BFSP2: variants seen among roughly 807,000 people sequenced by gnomAD.
The protein encoded by BFSP2 is beaded filament structural protein 2.
In BFSP2, 38 loss-of-function variants were observed where a neutral mutation model predicts 44.9. The observed-to-expected ratio is 0.85, with a 90% CI of 0.65 to 1.11. The LOEUF (loss-of-function observed/expected upper bound fraction) is 1.11, where lower values mean the gene tolerates loss of function less well. BFSP2 is among the 50% of genes least tolerant of loss of function. The pLI, the probability that BFSP2 is intolerant of heterozygous loss-of-function variation, is 0.00. For missense variants in BFSP2, 525 were observed against 533.0 expected (o/e 0.99, Z 0.15); for synonymous variants, 197 against 209.9 (o/e 0.94, Z 0.53).
In BFSP2 at chr3:133,400,200, C is replaced by T; in HGVS notation, c.117C>T (p.Pro39=). 1 of 1,614,084 alleles carries T rather than the reference C, an allele frequency of 6.2e-7. No individual in the cohort carries two copies. Among genetic ancestry groups the T allele is most frequent in the Non-Finnish European group, 8.5e-7 (1 of 1,180,020 alleles). The change falls in exon 1 of 7, where the codon CCC becomes CCT. Residue 39 remains proline, a synonymous_variant. Coordinates refer to ENST00000302334, the MANE Select transcript of BFSP2 (RefSeq NM_003571.4). This position sits in a 1 kb window ranked among gnomAD's most constrained non-coding sequence, Gnocchi z 4.0. ...GPRSSSSLES[P]PASRTNAMSG... ...GGTCATCATCCTCCCTGGAGAGCCC[C>T]CCAGCCTCCAGGACCAATGCCATGA... is the stretch of plus-strand genomic sequence containing the variant.
chr3:133,418,617 A>C (rs944385518), intron 1 of BFSP2, among the ~76,000 whole-genome samples: 11 of 152,132 alleles, frequency 7.2e-5, no homozygotes, highest in African/African-American at 2.4e-4. Context: ...CACCCCCCGG[A>C]ATGGGCACAG....
intron 1 of BFSP2, among the ~76,000 whole-genome samples, chr3:133,438,807 A>G (rs1448469384): frequency 6.6e-6 from 1 of 152,208 alleles, no homozygotes; most frequent in Non-Finnish European, 1.5e-5. Flanking sequence ...GCTGGTAGGT[A>G]GAGATTGTAA....
At chr3:133,425,783 GGGA>G in intron 1 of BFSP2, among the ~76,000 whole-genome samples, 1 of 9,934 alleles carries the variant, frequency 1.0e-4, no homozygotes, top group Non-Finnish European at 2.1e-4. Flanking sequence ...GAAAGGGAAA[GGGA>G]AGGGAAGGGA....
chr3:133,464,483 A>C (rs1398402747), intron 4 of BFSP2, among the ~76,000 whole-genome samples: 1 of 152,272 alleles, frequency 6.6e-6, no homozygotes, highest in African/African-American at 2.4e-5. Context: ...TGCTTGGCAC[A>C]GAATAAGTGC....
At chr3:133,472,956 T>C (rs981768086) in intron 6 of BFSP2, among the ~76,000 whole-genome samples, 24 of 151,976 alleles carry the variant, frequency 1.6e-4, no homozygotes, top group Admixed American at 3.9e-4. Context: ...CGCATCTTTT[T>C]TTTTTTTTTG....
At chr3:133,432,519 T>C (rs1479999599) in intron 1 of BFSP2, among the ~76,000 whole-genome samples, 1 of 152,078 alleles carries the variant, frequency 6.6e-6, no homozygotes, top group Non-Finnish European at 1.5e-5. Context: ...TCAGCCAAGC[T>C]CTTTCTCATG....
chr3:133,428,173 G>C (rs2073671018), intron 1 of BFSP2, among the ~76,000 whole-genome samples: 1 of 152,170 alleles, frequency 6.6e-6, no homozygotes, highest in South Asian at 2.1e-4. Context: ...GAACACTTAT[G>C]TTAGATTGGA....
At position 133,400,214 on chromosome 3, in the gene BFSP2, C is replaced by G. The variant is rs112170363; in HGVS notation, c.131C>G (p.Thr44Ser). ...SSLESPPASR[T>S]NAMSGLVRAP... ...CTGGAGAGCCCCCCAGCCTCCAGGACCAATGCCATGAGTGGCCTTGTCCGA... is the reference window on the plus strand; with the variant it reads ...CTGGAGAGCCCCCCAGCCTCCAGGAGCAATGCCATGAGTGGCCTTGTCCGA... Residue 44 changes from threonine to serine, a missense_variant, in exon 1 of 7, where the codon ACC becomes AGC. Transcript: ENST00000302334. This position sits in a 1 kb window ranked among gnomAD's most constrained non-coding sequence, Gnocchi z 4.0. 19 of 1,614,062 alleles carry G rather than the reference C, an allele frequency of 1.2e-5. No individual in the cohort carries two copies. In the South Asian group the frequency reaches 1.9e-4, roughly 16 times the overall value.
At chr3:133,449,696 G>A (rs1250868683) in intron 3 of BFSP2, among the ~76,000 whole-genome samples, 1 of 151,910 alleles carries the variant, frequency 6.6e-6, no homozygotes, top group Non-Finnish European at 1.5e-5. Flanking sequence ...TGGGCAACAT[G>A]GTGAAACCCT....
chr3:133,473,080 G>A (rs947152044), intron 6 of BFSP2, among the ~76,000 whole-genome samples: 11 of 151,864 alleles, frequency 7.2e-5, no homozygotes, highest in South Asian at 4.2e-4. Context: ...GGTGTGAGCC[G>A]TGACACCCCA....
intron 1 of BFSP2, among the ~76,000 whole-genome samples, chr3:133,413,765 G>C (rs1268991956): frequency 1.3e-5 from 2 of 151,968 alleles, no homozygotes; most frequent in Non-Finnish European, 1.5e-5. Context: ...CACAGGAGTG[G>C]AAATCTCCAC....
At chr3:133,447,202 T>TA in intron 1 of BFSP2, 115 bp from the exon 2 acceptor site, 2 of 990,400 alleles carry the variant, frequency 2.0e-6, no homozygotes, top group South Asian at 2.7e-5. Context: ...ATATTTGCTG[T>TA]AAGAAAGGTT....
intron 1 of BFSP2, among the ~76,000 whole-genome samples, chr3:133,416,949 C>G (rs1218381721): frequency 1.5e-5 from 2 of 130,146 alleles, no homozygotes; most frequent in South Asian, 5.7e-4. Flanking sequence ...CTCACCCCGT[C>G]CTCTCCCCTC....
At chr3:133,456,124 C>G (rs1468095117) in intron 4 of BFSP2, among the ~76,000 whole-genome samples, 1 of 152,192 alleles carries the variant, frequency 6.6e-6, no homozygotes, top group Admixed American at 6.5e-5. Context: ...TCCCCAGGGT[C>G]AGGAACAAAT....
At chr3:133,446,837 C>T (rs2073906350) in intron 1 of BFSP2, among the ~76,000 whole-genome samples, 1 of 151,414 alleles carries the variant, frequency 6.6e-6, no homozygotes, top group Non-Finnish European at 1.5e-5. Flanking sequence ...AATACGGTAG[C>T]CACGGGTGGC....
intron 1 of BFSP2, among the ~76,000 whole-genome samples, chr3:133,417,180 T>C (rs1323401786): frequency 1.6e-4 from 9 of 56,034 alleles, no homozygotes; most frequent in Middle Eastern, 0.016. Flanking sequence ...CTGCCATCTC[T>C]CCTCTATCCA....
At chr3:133,434,412 G>T (rs940217771) in intron 1 of BFSP2, among the ~76,000 whole-genome samples, 2 of 151,718 alleles carry the variant, frequency 1.3e-5, no homozygotes, top group Non-Finnish European at 2.9e-5. Flanking sequence ...CCCTAATCCC[G>T]CTCGAAGCAG....
intron 4 of BFSP2, among the ~76,000 whole-genome samples, chr3:133,462,335 T>A (rs1338445792): frequency 3.9e-5 from 6 of 152,240 alleles, no homozygotes; most frequent in African/African-American, 1.4e-4. Flanking sequence ...CAAGAACATT[T>A]GAGAAACACC....
chr3:133,409,530 A>C (rs2073431293), intron 1 of BFSP2, among the ~76,000 whole-genome samples: 1 of 152,180 alleles, frequency 6.6e-6, no homozygotes. Context: ...TGGGTCTCTA[A>C]CAACCATCTT....
Sources: allele counts gnomAD v4.1 joint callset (sites outside exome capture counted in the v4.1 genomes callset), GRCh38; gene constraint gnomAD v4.1.1; non-coding constraint Gnocchi (gnomAD v3.1); transcripts MANE v1.5; gene names NCBI Gene and HGNC (gene_info 2026-07-23, HGNC 2026-07-21).